RNF130: variants seen among roughly 807,000 people sequenced by gnomAD.
The protein encoded by RNF130 is ring finger protein 130, also known as E3 ubiquitin-protein ligase RNF130.
RNF130 carries 21 observed loss-of-function variants against 44.6 expected under a neutral mutation model. The ratio of observed to expected loss-of-function variants is 0.47; its 90% CI spans 0.33 to 0.68. The LOEUF (loss-of-function observed/expected upper bound fraction) is 0.68, where lower values mean the gene tolerates loss of function less well. RNF130 is among the 30% of genes least tolerant of loss of function. The pLI is 0.02. For missense variants in RNF130, 479 were observed against 560.6 expected, an observed-to-expected ratio of 0.85 and a Z score of 1.47; for synonymous variants, 214 against 210.4, an observed-to-expected ratio of 1.02 and a Z score of -0.15.
At chr5:180,045,184 A>G (rs1764527804) in intron 1 of RNF130, among the ~76,000 whole-genome samples, 1 of 152,250 alleles carries the variant, frequency 6.6e-6, no homozygotes, top group Admixed American at 6.5e-5. Context: ...CAATGAGAGA[A>G]GGAGAAGAAT....
At chr5:179,996,936 C>A (rs1291259615) in intron 3 of RNF130, among the ~76,000 whole-genome samples, 1 of 152,166 alleles carries the variant, frequency 6.6e-6, no homozygotes, top group African/African-American at 2.4e-5. Flanking sequence ...GTGAAGGAAT[C>A]AAGTGCTGGA....
At chr5:180,002,980 A>C (rs1462086492) in intron 3 of RNF130, among the ~76,000 whole-genome samples, 1 of 152,100 alleles carries the variant, frequency 6.6e-6, no homozygotes, top group Non-Finnish European at 1.5e-5. Context: ...CATTGCTTCC[A>C]TTCTGTTCAG....
chr5:179,976,248 C>T (rs914913673), intron 5 of RNF130, among the ~76,000 whole-genome samples: 5 of 152,192 alleles, frequency 3.3e-5, no homozygotes, highest in Non-Finnish European at 7.3e-5. Flanking sequence ...GGATTAAGTT[C>T]CCAGAATAAA....
intron 3 of RNF130, among the ~76,000 whole-genome samples, chr5:180,007,246 C>G (rs1763480306): frequency 6.6e-6 from 1 of 151,932 alleles, no homozygotes; most frequent in South Asian, 2.1e-4. Context: ...ACTAAAAATA[C>G]AAAAATTAGC....
intron 3 of RNF130, among the ~76,000 whole-genome samples, chr5:179,984,167 T>C (rs531246366): frequency 2.6e-5 from 4 of 152,358 alleles, no homozygotes; most frequent in Non-Finnish European, 4.4e-5. Flanking sequence ...GTCTTTTTCA[T>C]AGATTCCAAC....
chr5:180,033,318 G>A (rs1013290783), intron 2 of RNF130, among the ~76,000 whole-genome samples: 1 of 152,114 alleles, frequency 6.6e-6, no homozygotes, highest in Non-Finnish European at 1.5e-5. Context: ...ATGTTTGTAG[G>A]TTCAATGTGC....
chr5:179,952,831 T>C (rs1762147129), downstream of RNF130, among the ~76,000 whole-genome samples: 2 of 151,994 alleles, frequency 1.3e-5, no homozygotes, highest in African/African-American at 4.8e-5. Context: ...AAATAGAAGG[T>C]AACTTTCTCA....
intron 3 of RNF130, among the ~76,000 whole-genome samples, chr5:179,999,188 A>G (rs1205611593): frequency 6.6e-6 from 1 of 151,002 alleles, no homozygotes; most frequent in African/African-American, 2.4e-5. Context: ...TGCCGGGCTG[A>G]TTTTTGTATT....
intron 1 of RNF130, among the ~76,000 whole-genome samples, chr5:180,057,759 A>G (rs1255986199): frequency 6.6e-6 from 1 of 152,188 alleles, no homozygotes; most frequent in African/African-American, 2.4e-5. Context: ...AACACCCTTT[A>G]TAATAACAGG....
intron 7 of RNF130, among the ~76,000 whole-genome samples, chr5:179,929,275 A>G (rs1009847476): frequency 6.6e-6 from 1 of 152,168 alleles, no homozygotes; most frequent in East Asian, 1.9e-4. Context: ...GTGTCTGTAC[A>G]TGCACGGCTG....
At chr5:180,051,216 A>G (rs1428387091) in intron 1 of RNF130, among the ~76,000 whole-genome samples, 1 of 127,098 alleles carries the variant, frequency 7.9e-6, no homozygotes, top group Non-Finnish European at 1.8e-5. Context: ...ACAACAAATT[A>G]TCACCTTTTT....
At chr5:179,992,512 T>C (rs1404645168) in intron 3 of RNF130, among the ~76,000 whole-genome samples, 1 of 152,234 alleles carries the variant, frequency 6.6e-6, no homozygotes, top group Non-Finnish European at 1.5e-5. Context: ...CCAGGAGTTG[T>C]CTGTTTTTAA....
chr5:179,948,021 T>G (rs1422463878), intron 7 of RNF130, among the ~76,000 whole-genome samples: 1 of 152,204 alleles, frequency 6.6e-6, no homozygotes, highest in African/African-American at 2.4e-5. Flanking sequence ...TAGTAGGTCC[T>G]GGTCTAACTG....
At chr5:180,066,302 T>G (rs1390320488) in intron 1 of RNF130, among the ~76,000 whole-genome samples, 17 of 152,230 alleles carry the variant, frequency 1.1e-4, no homozygotes, top group Non-Finnish European at 4.4e-5. Context: ...TTTCTCTTGC[T>G]GCCGCCATGT....
At position 179,966,872 on chromosome 5, in the gene RNF130, T is replaced by G; in HGVS notation, c.1084A>C (p.Ile362Leu). The G allele has an allele frequency of 1.2e-6, 2 of 1,614,130 alleles. No homozygotes were observed. Among genetic ancestry groups the G allele is most frequent in the Non-Finnish European group, 1.7e-6 (2 of 1,180,016 alleles). ...TCCCCATCCTGAGGAAGAGGTGAGA[T>G]CCCCGAAGTTCGAAGTGGCTCAAGG... The part of the protein sequence containing the change: ...LGLEPLRTSG[I>L]SPLPQDGELT... The change falls in exon 7 of 9, where the codon ATC (isoleucine) becomes CTC (leucine). Residue 362 changes from isoleucine (I) to leucine (L), a missense_variant. Around this residue, in one of 3 missense-constraint regions of RNF130, gnomAD observed 161 missense variants for 158.6 expected, o/e 1.02. Coordinates refer to ENST00000521389, the MANE Select transcript of RNF130 (RefSeq NM_018434.6).
At chr5:180,057,465 C>T (rs568880095) in intron 1 of RNF130, among the ~76,000 whole-genome samples, 50 of 152,104 alleles carry the variant, frequency 3.3e-4, no homozygotes, top group African/African-American at 1.1e-3. Flanking sequence ...AGGAAATTGC[C>T]GGAACCTAGG....
At chr5:179,994,538 G>GTAGGA (rs1320528858) in intron 3 of RNF130, among the ~76,000 whole-genome samples, 2 of 152,164 alleles carry the variant, frequency 1.3e-5, no homozygotes, top group African/African-American at 2.4e-5. Context: ...TGTAATTTGA[G>GTAGGA]TAGGATTGTT....
chr5:180,004,446 C>T (rs1417825637), intron 3 of RNF130, among the ~76,000 whole-genome samples: 1 of 152,182 alleles, frequency 6.6e-6, no homozygotes, highest in Non-Finnish European at 1.5e-5. Context: ...TCTGAAGTTA[C>T]TAAAAGTATT....
intron 5 of RNF130, among the ~76,000 whole-genome samples, chr5:179,971,482 G>A (rs1762585638): frequency 6.6e-6 from 1 of 152,176 alleles, no homozygotes; most frequent in African/African-American, 2.4e-5. Flanking sequence ...CCATTCTCCT[G>A]CCTTAGCCTC....
Sources: gnomAD v4.1 joint callset for allele counts (sites outside exome capture counted in the v4.1 genomes callset) on GRCh38, gnomAD v4.1.1 for gene constraint, gnomAD v4.1.1 regional missense constraint, MANE v1.5 for transcripts, NCBI Gene and HGNC (gene_info 2026-07-23, HGNC 2026-07-21) for gene names.